DNAI4: variants seen among roughly 807,000 people sequenced by gnomAD.
DNAI4 encodes WD repeat domain 78.
Under a neutral mutation model 105.8 loss-of-function variants are expected in DNAI4, and 85 were observed. That is an observed-to-expected ratio of 0.80 (90% confidence interval 0.67 to 0.96). The LOEUF is 0.96. DNAI4 is among the 40% of genes least tolerant of loss of function. The pLI is 0.00. For synonymous variants in DNAI4, 352 were observed against 331.5 expected (o/e 1.06, Z -0.67); for missense variants, 1,014 against 1,005.6 (o/e 1.01, Z -0.11).
chr1:66,898,005 A>G (rs1403662725), intron 2 of DNAI4, among the ~76,000 whole-genome samples: 1 of 152,126 alleles, frequency 6.6e-6, no homozygotes, highest in Non-Finnish European at 1.5e-5. Context: ...GACCCCAGCA[A>G]AGTCACAGGG....
chr1:66,827,877 C>T lies in DNAI4; in HGVS notation c.2047G>A (p.Gly683Ser), dbSNP rs1414377616. Reference protein sequence around the residue: ...TNIYLAGTEEGHIHKCSCSYN... With the variant: ...TNIYLAGTEESHIHKCSCSYN... ...GAACAAGAACATTTGTGAATATGAC[C>T]TTCTTCAGTGCCAGCCAAATAGATA... is the stretch of plus-strand genomic sequence containing the variant. Residue 683 changes from glycine to serine, a missense_variant, in exon 14 of 17, where the codon GGT becomes AGT. Coordinates refer to ENST00000371026, the MANE Select transcript of DNAI4 (RefSeq NM_024763.5). 3.1e-6 allele frequency: 5 copies of T among 1,605,496 alleles called. No individual in the cohort carries two copies. Among genetic ancestry groups the T allele is most frequent in the Non-Finnish European group, 4.3e-6 (5 of 1,175,976 alleles).
intron 4 of DNAI4, among the ~76,000 whole-genome samples, chr1:66,879,475 T>C (rs1647022479): frequency 1.3e-5 from 2 of 152,236 alleles, no homozygotes. Flanking sequence ...GCATTGATGA[T>C]TCAGCTGCTA....
chr1:66,895,920 C>T (rs146135835), intron 2 of DNAI4, among the ~76,000 whole-genome samples: 1 of 151,936 alleles, frequency 6.6e-6, no homozygotes, highest in Non-Finnish European at 1.5e-5. Context: ...ATGTATTAAG[C>T]ATTTGTTGTT....
chr1:66,892,987 A>AAGAAAGAT (rs1647840781), intron 3 of DNAI4, among the ~76,000 whole-genome samples: 1 of 120,846 alleles, frequency 8.3e-6, no homozygotes, highest in Non-Finnish European at 1.8e-5. Flanking sequence ...GAAAGAAAGA[A>AAGAAAGAT]AGAAAGAAAG....
chr1:66,853,054 T>A (rs186104292), intron 7 of DNAI4, among the ~76,000 whole-genome samples: 6 of 152,304 alleles, frequency 3.9e-5, no homozygotes. Flanking sequence ...GAATGGTAAA[T>A]TCAGGTGTGT....
At chr1:66,908,920 AC>A (rs1649451997) in intron 1 of DNAI4, among the ~76,000 whole-genome samples, 1 of 152,022 alleles carries the variant, frequency 6.6e-6, no homozygotes, top group African/African-American at 2.4e-5. Context: ...ACTTCTTCAT[AC>A]TCCCACTGTC....
intron 1 of DNAI4, among the ~76,000 whole-genome samples, chr1:66,906,604 C>A (rs1178249151): frequency 6.6e-6 from 1 of 152,106 alleles, no homozygotes; most frequent in Admixed American, 6.6e-5. Context: ...TTGTCTTGTT[C>A]ACTGCTGTAT....
rs1171137113 is a variant in DNAI4, at chr1:66,890,773, AGAGGAAGAG to A, written c.643+372_643+380del. The A allele has an allele frequency of 3.7e-6, 1 of 268,588 alleles. No individual in the cohort carries two copies. The highest frequency in any genetic ancestry group is 7.1e-6 in the Non-Finnish European group (1 of 140,560). 16.6% of individuals were successfully genotyped at this position (268,588 alleles called of 1,614,324 possible). A position where few individuals can be genotyped will look rare whatever the true frequency, so the allele number is the denominator to read the frequency against. On this transcript the variant is annotated intron_variant, in intron 4 of 16. Coordinates refer to ENST00000371026, the MANE Select transcript of DNAI4 (RefSeq NM_024763.5). This position sits in a 1 kb window ranked among gnomAD's most constrained non-coding sequence, Gnocchi z 4.1. ...AAGAGGAGGAGGAGGAAGAGGAAGA[AGAGGAAGAG>A]GAGGAAGAAGAAGTGAGGAAGAAGA... is the stretch of plus-strand genomic sequence containing the variant.
At chr1:66,835,054 T>G (rs1423499218) in intron 11 of DNAI4, among the ~76,000 whole-genome samples, 3 of 152,148 alleles carry the variant, frequency 2.0e-5, no homozygotes, top group Admixed American at 6.5e-5. Context: ...GCTTTCCTCA[T>G]ATGACTCATT....
chr1:66,880,768 A>G (rs1175139304), intron 4 of DNAI4, among the ~76,000 whole-genome samples: 1 of 152,230 alleles, frequency 6.6e-6, no homozygotes, highest in Non-Finnish European at 1.5e-5. Flanking sequence ...GTGGATAAGT[A>G]ATGAGAAGCC....
At chr1:66,895,574 C>T (rs561046998) in intron 2 of DNAI4, among the ~76,000 whole-genome samples, 32 of 152,206 alleles carry the variant, frequency 2.1e-4, no homozygotes, top group African/African-American at 7.7e-4. Context: ...CTTTCCAATT[C>T]TTATACATTC....
chr1:66,897,927 C>A (rs576608976), intron 2 of DNAI4, among the ~76,000 whole-genome samples: 17 of 152,198 alleles, frequency 1.1e-4, no homozygotes, highest in Non-Finnish European at 1.9e-4. Context: ...AGCAGGATTG[C>A]CACAGGACCC....
chr1:66,851,249 A>G (rs1232317935), intron 7 of DNAI4, among the ~76,000 whole-genome samples: 2 of 151,968 alleles, frequency 1.3e-5, no homozygotes, highest in African/African-American at 2.4e-5. Flanking sequence ...TACCAGGGAT[A>G]TATAGCAACA....
chr1:66,824,902 A>T (rs1645716795), intron 15 of DNAI4, among the ~76,000 whole-genome samples: 2 of 152,224 alleles, frequency 1.3e-5, no homozygotes, highest in South Asian at 4.1e-4. Context: ...TATCCACCAA[A>T]GTGGAATAAA....
At position 66,915,856 on chromosome 1, in the gene DNAI4, C is replaced by T. The variant is rs114636393; in HGVS notation, c.170+8806G>A. On this transcript the variant is annotated intron_variant, in intron 1 of 16. Transcript: ENST00000371026. ...AAAAATCTTTGGTCAAGCACAGTGGCTCACGTCTGTAATCCAACACTTTGG... is the reference window on the plus strand; with the variant it reads ...AAAAATCTTTGGTCAAGCACAGTGGTTCACGTCTGTAATCCAACACTTTGG... 6.0e-3 allele frequency among the ~76,000 whole-genome samples: 910 copies of T among 152,172 alleles called. 7 individuals are homozygous for T. Among genetic ancestry groups the T allele is most frequent in the African/African-American group, 0.02 (849 of 41,524 alleles).
At chr1:66,870,600 A>G (rs979454188) in intron 6 of DNAI4, among the ~76,000 whole-genome samples, 1 of 149,572 alleles carries the variant, frequency 6.7e-6, no homozygotes, top group African/African-American at 2.5e-5. Context: ...AAATACAAAA[A>G]TTCGCCGGGC....
chr1:66,855,530 A>C (rs903107047), intron 7 of DNAI4, among the ~76,000 whole-genome samples: 3 of 152,244 alleles, frequency 2.0e-5, no homozygotes, highest in African/African-American at 7.2e-5. Context: ...AAGATATACT[A>C]TCTACACACT....
intron 4 of DNAI4, among the ~76,000 whole-genome samples, chr1:66,888,854 C>T (rs1407488147): frequency 6.6e-6 from 1 of 152,150 alleles, no homozygotes; most frequent in Non-Finnish European, 1.5e-5. Flanking sequence ...CAAATTGTTA[C>T]ATAAAGATTT....
intron 4 of DNAI4, among the ~76,000 whole-genome samples, chr1:66,886,911 TC>T (rs1474698589): frequency 6.6e-6 from 1 of 152,162 alleles, no homozygotes; most frequent in African/African-American, 2.4e-5. Flanking sequence ...GGCTATAGTT[TC>T]AAAATTACCC....
Sources: allele counts gnomAD v4.1 joint callset (sites outside exome capture counted in the v4.1 genomes callset), GRCh38; gene constraint gnomAD v4.1.1; non-coding constraint Gnocchi (gnomAD v3.1); transcripts MANE v1.5; gene names NCBI Gene and HGNC (gene_info 2026-07-23, HGNC 2026-07-21).